PHEX: variants seen among roughly 807,000 people sequenced by gnomAD.
PHEX encodes the protein phosphate regulating endopeptidase X-linked.
Under a neutral mutation model 68.0 loss-of-function variants are expected in PHEX, and 16 were observed. That is an observed-to-expected ratio of 0.24 (90% CI 0.16 to 0.36). The LOEUF is 0.36. Ranked by LOEUF, PHEX falls within the 10% of genes least tolerant of loss-of-function variation. PHEX has a pLI of 1.00. For synonymous variants in PHEX, 208 were observed against 205.1 expected (o/e 1.01, Z -0.12); for missense variants, 480 against 575.5 (o/e 0.83, Z 1.70).
chrX:22,129,191 C>A (rs1369431579), intron 11 of PHEX, among the ~76,000 whole-genome samples: 1 of 111,171 alleles, frequency 9.0e-6, no homozygotes, highest in Non-Finnish European at 1.9e-5. Flanking sequence ...GGGTGATTCA[C>A]ATCCCGGGCC....
intron 15 of PHEX, among the ~76,000 whole-genome samples, chrX:22,192,591 G>T (rs1231457599): frequency 8.9e-6 from 1 of 111,790 alleles, no homozygotes; most frequent in African/African-American, 3.2e-5. Context: ...CCTCCTTCGT[G>T]TTTATAGAGC....
At position 22,227,497 on chromosome X, in the gene PHEX, C is replaced by T. The variant is rs771050789; in HGVS notation, c.1966-10C>T. Reference sequence around the variant, plus strand: ...TTGCAGAGACTCATCTCTTCTTCTTCTCTCACCAGGCTTACAGGAAATGGA... The same window carrying T: ...TTGCAGAGACTCATCTCTTCTTCTTTTCTCACCAGGCTTACAGGAAATGGA... On this transcript the variant is annotated splice_polypyrimidine_tract_variant and intron_variant, in intron 19 of 21. Transcript: ENST00000379374. 8.6e-7 allele frequency: 1 copy of T among 1,158,935 alleles called. No homozygotes were observed. The highest frequency in any genetic ancestry group is 3.0e-5 in the East Asian group (1 of 33,620).
At chrX:22,234,438 T>C (rs914306506) in intron 20 of PHEX, among the ~76,000 whole-genome samples, 1 of 110,347 alleles carries the variant, frequency 9.1e-6, no homozygotes, top group African/African-American at 3.4e-5. Flanking sequence ...TGACTGGGGC[T>C]GTTGCCTTTT....
At chrX:22,182,045 T>C (rs1933898247) in intron 14 of PHEX, among the ~76,000 whole-genome samples, 1 of 111,534 alleles carries the variant, frequency 9.0e-6, no homozygotes, top group East Asian at 2.8e-4. Context: ...TCTTTCTTTC[T>C]AATTTGGATG....
chrX:22,218,576 T>G (rs1049762165), intron 16 of PHEX, among the ~76,000 whole-genome samples: 5 of 112,275 alleles, frequency 4.5e-5, no homozygotes, highest in African/African-American at 1.6e-4. Flanking sequence ...CCTTTTTTTA[T>G]GACTACATTT....
chrX:22,216,512 T>TGC (rs1445040007), intron 16 of PHEX, among the ~76,000 whole-genome samples: 69 of 107,329 alleles, frequency 6.4e-4, no homozygotes, highest in African/African-American at 1.8e-3. Flanking sequence ...TATTTATTTA[T>TGC]TTATTTATTT....
At chrX:22,138,258 G>A (rs555949761) in intron 12 of PHEX, among the ~76,000 whole-genome samples, 38 of 112,660 alleles carry the variant, frequency 3.4e-4, no homozygotes, top group African/African-American at 1.2e-3. Context: ...CACCGAGTCT[G>A]GTTGCTAGCA....
chrX:22,178,323 G>T lies in PHEX; in HGVS notation c.1533G>T (p.Lys511Asn). The change falls in exon 14 of 22, where the codon AAG becomes AAT. Residue 511 changes from lysine to asparagine, a missense_variant. By Grantham distance (94) the Lys-to-Asn change is moderately conservative. Transcript: ENST00000379374. ...DYFGNVLQTR[K>N]YLAQSDFFWL... ...TTGGCAACGTCCTACAAACTCGCAA[G>T]TATTTAGCACAGTCTGATTTCTTCT... The T allele has an allele frequency of 7.5e-6, 9 of 1,205,246 alleles. No homozygotes were observed. Among genetic ancestry groups the T allele is most frequent in the Non-Finnish European group, 1.0e-5 (9 of 890,588 alleles).
At chrX:22,158,579 A>G (rs767950221) in intron 12 of PHEX, among the ~76,000 whole-genome samples, 18 of 112,451 alleles carry the variant, frequency 1.6e-4, no homozygotes, top group Non-Finnish European at 2.6e-4. Context: ...TAAATAGCCA[A>G]GTCAGTGGGG....
intron 14 of PHEX, among the ~76,000 whole-genome samples, chrX:22,185,819 G>A (rs1414749315): frequency 3.9e-5 from 4 of 102,026 alleles, no homozygotes; most frequent in East Asian, 3.0e-4. Context: ...ACATTGGCGT[G>A]ATCTCGGCTC....
At chrX:22,082,888 C>T (rs1177656970) in intron 5 of PHEX, among the ~76,000 whole-genome samples, 5 of 111,844 alleles carry the variant, frequency 4.5e-5, no homozygotes, top group African/African-American at 1.6e-4. Context: ...AAAACAGAGC[C>T]CGAATAGCCA....
intron 12 of PHEX, among the ~76,000 whole-genome samples, chrX:22,142,576 T>C (rs1045802219): frequency 2.7e-5 from 3 of 112,163 alleles, no homozygotes; most frequent in Admixed American, 1.9e-4. Flanking sequence ...AAAAAGGGAA[T>C]TGGAATCAGC....
At chrX:22,039,636 G>A (rs1200396499) in intron 2 of PHEX, among the ~76,000 whole-genome samples, 1 of 112,361 alleles carries the variant, frequency 8.9e-6, no homozygotes, top group African/African-American at 3.2e-5. Flanking sequence ...AGGGTGTGGA[G>A]ACTATATGCG....
chrX:22,092,674 A>G (rs1197756235), intron 6 of PHEX, among the ~76,000 whole-genome samples: 1 of 110,563 alleles, frequency 9.0e-6, no homozygotes, highest in East Asian at 2.8e-4. Context: ...CCTCCGGCCA[A>G]TAAATATGTT....
At chrX:22,243,887 A>T (rs1936308636) in intron 20 of PHEX, among the ~76,000 whole-genome samples, 1 of 112,182 alleles carries the variant, frequency 8.9e-6, no homozygotes. Context: ...TTCCTCAAGG[A>T]TCTAGAACCA....
At chrX:22,106,263 C>G (rs772219599) in intron 9 of PHEX, among the ~76,000 whole-genome samples, 188 of 111,677 alleles carry the variant, frequency 1.7e-3, no homozygotes, top group Middle Eastern at 0.014. Flanking sequence ...GTATTTATAA[C>G]ACACTGAAGA....
chrX:22,210,957 A>T (rs1469763903), intron 15 of PHEX, among the ~76,000 whole-genome samples: 2 of 110,554 alleles, frequency 1.8e-5, no homozygotes, highest in Admixed American at 9.6e-5. Flanking sequence ...GAAAAAAAAA[A>T]GTTAAGAAGA....
intron 15 of PHEX, among the ~76,000 whole-genome samples, chrX:22,193,465 T>G (rs1934268164): frequency 9.1e-6 from 1 of 110,329 alleles, no homozygotes; most frequent in Non-Finnish European, 1.9e-5. Context: ...AAATAAAACT[T>G]TATTTATATA....
chrX:22,153,113 T>A (rs1272070166), intron 12 of PHEX, among the ~76,000 whole-genome samples: 2 of 110,424 alleles, frequency 1.8e-5, no homozygotes, highest in Admixed American at 9.6e-5. Flanking sequence ...TGCCTCAGCT[T>A]CCTGAGTAAT....
Sources: allele counts gnomAD v4.1 joint callset (sites outside exome capture counted in the v4.1 genomes callset), GRCh38; gene constraint gnomAD v4.1.1; transcripts MANE v1.5; gene names NCBI Gene and HGNC (gene_info 2026-07-23, HGNC 2026-07-21).